SYNE1: variants seen among roughly 807,000 people sequenced by gnomAD.
SYNE1 encodes nesprin-1.
SYNE1 carries 616 observed loss-of-function variants against 1,111.0 expected under a neutral mutation model. The observed-to-expected ratio is 0.55, with a 90% CI of 0.52 to 0.59. The LOEUF (loss-of-function observed/expected upper bound fraction) is 0.59. Among genes scored for constraint, SYNE1 ranks in the 20% least tolerant of loss-of-function variants. The pLI is 0.00. For missense variants in SYNE1, 10,006 were observed against 10,417.0 expected, an observed-to-expected ratio of 0.96 and a Z score of 1.72; for synonymous variants, 3,855 against 3,825.8, an observed-to-expected ratio of 1.01 and a Z score of -0.28.
At chr6:152,275,886 A>C (rs1177574446) in intron 98 of SYNE1, among the ~76,000 whole-genome samples, 1 of 151,282 alleles carries the variant, frequency 6.6e-6, no homozygotes, top group East Asian at 1.9e-4. Flanking sequence ...GTCTCAAAAA[A>C]AAAAAAACAA....
chr6:152,177,099 AAT>A (rs2066651092), intron 129 of SYNE1, among the ~76,000 whole-genome samples: 1 of 152,200 alleles, frequency 6.6e-6, no homozygotes. Context: ...TCCTCTATAC[AAT>A]GTCAATATTT....
intron 143 of SYNE1, among the ~76,000 whole-genome samples, chr6:152,132,690 G>A (rs2056094098): frequency 1.3e-5 from 2 of 152,108 alleles, no homozygotes; most frequent in African/African-American, 4.8e-5. Flanking sequence ...TTGTTCTTTT[G>A]CATGCTTACA....
intron 124 of SYNE1, among the ~76,000 whole-genome samples, chr6:152,208,671 G>C (rs1281039992): frequency 2.0e-5 from 3 of 152,294 alleles, no homozygotes; most frequent in African/African-American, 7.2e-5. Flanking sequence ...TAAGCCACTT[G>C]AATCAAATTA....
At chr6:152,524,728 G>GA (rs2099155544) in intron 5 of SYNE1, among the ~76,000 whole-genome samples, 1 of 152,120 alleles carries the variant, frequency 6.6e-6, no homozygotes, top group South Asian at 2.1e-4. Context: ...GGGGAAGGAG[G>GA]AAAAGCTAAC....
chr6:152,305,976 GGGGACTCATTTATTTTCCT>G (rs2095360082), intron 91 of SYNE1, among the ~76,000 whole-genome samples: 1 of 152,112 alleles, frequency 6.6e-6, no homozygotes, highest in Non-Finnish European at 1.5e-5. Context: ...TGTGACCTTG[GGGGACTCATTTATTTTCCT>G]GGGACTTCAT....
intron 43 of SYNE1, 61 bp from the exon 44 acceptor site, chr6:152,409,287 C>A: frequency 1.3e-6 from 2 of 1,530,596 alleles, no homozygotes; most frequent in South Asian, 1.1e-5. Flanking sequence ...AGTTTAAAAC[C>A]ATTTGTCTCT....
chr6:152,465,792 C>CACACACACACAT, intron 17 of SYNE1, among the ~76,000 whole-genome samples, 190 bp downstream of exon 17: 1 of 151,854 alleles, frequency 6.6e-6, no homozygotes, highest in African/African-American at 2.4e-5. Flanking sequence ...CACACACACA[C>CACACACACACAT]ACACAATGAT....
intron 90 of SYNE1, among the ~76,000 whole-genome samples, chr6:152,308,865 ATTCT>A (rs1478852203): frequency 6.6e-6 from 1 of 152,202 alleles, no homozygotes; most frequent in Non-Finnish European, 1.5e-5. Flanking sequence ...AGTGGTTAGG[ATTCT>A]TTCTCTCTCT....
intron 130 of SYNE1, among the ~76,000 whole-genome samples, chr6:152,170,705 G>C (rs2064975265): frequency 6.6e-6 from 1 of 152,194 alleles, no homozygotes; most frequent in African/African-American, 2.4e-5. Flanking sequence ...ACAAAGCCTT[G>C]CTTGCACTGC....
chr6:152,463,498 G>C lies in SYNE1; in HGVS notation c.1952C>G (p.Pro651Arg). 6.2e-7 allele frequency: 1 copy of C among 1,613,034 alleles called. No homozygotes were observed. The highest frequency in any genetic ancestry group is 1.1e-5 in the South Asian group (1 of 91,028). The part of the protein sequence containing the change: ...NAKKDFFRNL[P>R]HWIQQHTAMN... The stretch of plus-strand genomic sequence containing the variant: ...GGCAGTATGCTGCTGAATCCAATGA[G>C]GTAAATTTCGAAAAAAATCCTAAAC... Residue 651 changes from proline (P) to arginine (R), a missense_variant, in exon 19 of 146, where the codon CCT (proline) becomes CGT (arginine). Physicochemically the swap from Pro to Arg is moderately radical, Grantham distance 103 (BLOSUM62 -2). Coordinates refer to ENST00000367255, the MANE Select transcript of SYNE1 (RefSeq NM_182961.4).
At chr6:152,225,690 C>T (rs1278964792) in intron 116 of SYNE1, 31 bp downstream of exon 116, 8 of 1,614,008 alleles carry the variant, frequency 5.0e-6, no homozygotes, top group Non-Finnish European at 6.8e-6. Context: ...CAAACACGGT[C>T]CTGGAGCTGG....
At position 152,442,103 on chromosome 6, in the gene SYNE1, C is replaced by G; in HGVS notation, c.3980G>C (p.Ser1327Thr). The G allele has an allele frequency of 6.2e-7, 1 of 1,614,118 alleles. No individual in the cohort carries two copies. Among genetic ancestry groups the G allele is most frequent in the Non-Finnish European group, 8.5e-7 (1 of 1,180,030 alleles). ...LESTLDGLER[S>T]RERQERRIQV... is the part of the protein sequence containing the mutation. ...GATGCGGCGTTCCTGCCTCTCCCGG[C>G]TGCGCTCCAGGCCATCCAGTGTGCT... The change falls in exon 31 of 146, where the codon AGC becomes ACC. Residue 1327 changes from serine (S) to threonine (T), a missense_variant. This residue lies in a region of SYNE1 where 1,971 missense variants were observed against 2,084.1 expected (regional missense o/e 0.95). Transcript: ENST00000367255.
intron 24 of SYNE1, among the ~76,000 whole-genome samples, chr6:152,454,320 G>A (rs1267306638): frequency 6.6e-6 from 1 of 152,218 alleles, no homozygotes; most frequent in Admixed American, 6.5e-5. Flanking sequence ...TTGGAAGGTG[G>A]TTAGGTTCAG....
rs1298859374 is a variant in SYNE1, at chr6:152,505,351, C to T, written c.628G>A (p.Gly210Arg). The change falls in exon 9 of 146, where the codon GGG (glycine) becomes AGG (arginine). Residue 210 changes from glycine to arginine, a missense_variant. By Grantham distance (125) the Gly-to-Arg change is moderately radical. This residue lies in a region of SYNE1 where 1,971 missense variants were observed against 2,084.1 expected (regional missense o/e 0.95). Transcript: ENST00000367255. ...VKDFGKSWRS[G>R]VAFHSVIHAI... is the part of the protein sequence containing the mutation. The stretch of plus-strand genomic sequence containing the variant: ...TGAATAACTGAATGAAAGGCAACCC[C>T]GCTTCTCCAACTCTTCCCAAAATCT... 1.2e-6 allele frequency: 2 copies of T among 1,614,062 alleles called. No homozygotes were observed. The highest frequency in any genetic ancestry group is 2.2e-5 in the East Asian group (1 of 44,868).
intron 14 of SYNE1, among the ~76,000 whole-genome samples, chr6:152,476,161 A>G (rs2098833077): frequency 6.6e-6 from 1 of 152,048 alleles, no homozygotes; most frequent in South Asian, 2.1e-4. Flanking sequence ...CCGAATTTTT[A>G]TCTCCAAGCT....
rs868212255 is a variant in SYNE1 at position 152,357,591 on chromosome 6, G to T, written c.10608+782C>A. 2.0e-5 allele frequency among the ~76,000 whole-genome samples: 3 copies of T among 152,054 alleles called. No individual in the cohort carries two copies. The South Asian group carries it at 6.2e-4, about 32-fold the overall frequency. On this transcript the variant is annotated intron_variant, in intron 66 of 145. Transcript: ENST00000367255. ...TACCTATTCCTTAAGGTAAGTTTAT[G>T]GGCCCTTCTTTGATGCTACCATAAG...
intron 42 of SYNE1, among the ~76,000 whole-genome samples, chr6:152,413,108 C>T (rs2098093592): frequency 6.6e-6 from 1 of 152,172 alleles, no homozygotes; most frequent in Non-Finnish European, 1.5e-5. Context: ...GCCTTGGCCT[C>T]CCAAAGTGCT....
At chr6:152,513,177 C>G (rs540591976) in intron 6 of SYNE1, among the ~76,000 whole-genome samples, 1 of 152,264 alleles carries the variant, frequency 6.6e-6, no homozygotes, top group Non-Finnish European at 1.5e-5. Flanking sequence ...CCCATGTAAT[C>G]TGGAGAAGTC....
Position 152,219,009 on chromosome 6 carries a change from T to G in SYNE1, c.22038A>C (p.Ser7346=). 1 of 1,613,978 alleles carries G rather than the reference T, an allele frequency of 6.2e-7. No individual in the cohort carries two copies. The highest frequency in any genetic ancestry group is 8.5e-7 in the Non-Finnish European group (1 of 1,179,986). The change falls in exon 120 of 146, where the codon TCA becomes TCC. Residue 7346 remains serine, a synonymous_variant. Transcript: ENST00000367255. ...CTAAATAGGAGCTCTGTACCTGTAATGAAGTCTGCTGTTTGCAGAGAGCTT... is the reference window on the plus strand; with the variant it reads ...CTAAATAGGAGCTCTGTACCTGTAAGGAAGTCTGCTGTTTGCAGAGAGCTT... ...LEQALCKQQT[S]LQAGVLDYET...
Sources: gnomAD v4.1 joint callset for allele counts (sites outside exome capture counted in the v4.1 genomes callset) on GRCh38, gnomAD v4.1.1 for gene constraint, gnomAD v4.1.1 regional missense constraint, MANE v1.5 for transcripts, NCBI Gene and HGNC (gene_info 2026-07-23, HGNC 2026-07-21) for gene names.